The following CADM2 variants were observed in gnomAD, a reference collection of about 807,000 sequenced individuals.
The protein encoded by CADM2 is cell adhesion molecule 2.
CADM2 carries 12 observed loss-of-function variants against 49.8 expected under a neutral mutation model. The observed-to-expected ratio is 0.24, with a 90% CI of 0.15 to 0.39. CADM2 has a LOEUF of 0.39. Ranked by LOEUF, CADM2 falls within the 10% of genes least tolerant of loss-of-function variation. The pLI is 1.00. For missense variants in CADM2, 378 were observed against 492.3 expected (o/e 0.77, Z 2.20); for synonymous variants, 214 against 175.4 (o/e 1.22, Z -1.74).
rs555078168 is a variant in CADM2 at position 85,709,216 on chromosome 3, G to C, written c.62-17306G>C. ...CAATGCTTCCAAAACCAAGAATTAA[G>C]TTAATGAGTTAAATCAATGTATTAA... On this transcript the variant is annotated intron_variant, in intron 1 of 9. Coordinates refer to ENST00000383699, the MANE Select transcript of CADM2 (RefSeq NM_001167675.2). Among the ~76,000 whole-genome samples the C allele has an allele frequency of 4.0e-4, 61 of 152,050 alleles. 1 individual carries two copies. Among genetic ancestry groups the C allele is most frequent in the Non-Finnish European group, 7.6e-4 (52 of 67,974 alleles).
chr3:85,490,309 T>G (rs993812538), intron 1 of CADM2, among the ~76,000 whole-genome samples: 1 of 152,292 alleles, frequency 6.6e-6, no homozygotes, highest in South Asian at 2.1e-4. Context: ...CAAATTTCTA[T>G]TTCCCCTGTG....
intron 3 of CADM2, among the ~76,000 whole-genome samples, chr3:85,834,929 T>A (rs138934911): frequency 6.6e-6 from 1 of 151,748 alleles, no homozygotes; most frequent in African/African-American, 2.4e-5. Flanking sequence ...TCTAACTAGA[T>A]TAGCCAAGAA....
At chr3:85,777,244 A>AATTATTATTATT (rs71112117) in intron 2 of CADM2, among the ~76,000 whole-genome samples, 160 of 148,752 alleles carry the variant, frequency 1.1e-3, no homozygotes, top group Admixed American at 1.8e-3. Context: ...GTTTTTAAAA[A>AATTATTATTATT]ATTATTATTA....
chr3:85,351,193 T>C (rs1002049380), intron 1 of CADM2, among the ~76,000 whole-genome samples: 3 of 152,140 alleles, frequency 2.0e-5, no homozygotes, highest in Admixed American at 6.6e-5. Flanking sequence ...AAATTTGGCA[T>C]GATTGAACTG....
chr3:84,993,317 T>A lies in CADM2; in HGVS notation c.61+33649T>A. On this transcript the variant is annotated intron_variant, in intron 1 of 9. Transcript: ENST00000383699. ...AAGGGATTTAGCGTATTAACTGGAA[T>A]ATTTTGATGCCCATTGCTAGTGAAA... Among the ~76,000 whole-genome samples, 2 of 152,128 alleles carry A rather than the reference T, an allele frequency of 1.3e-5. 1 individual carries two copies. The highest frequency in any genetic ancestry group is 1.3e-4 in the Admixed American group (2 of 15,272).
chr3:85,304,706 T>C (rs549264532), intron 1 of CADM2, among the ~76,000 whole-genome samples: 1 of 151,936 alleles, frequency 6.6e-6, no homozygotes, highest in African/African-American at 2.4e-5. Flanking sequence ...TGCATAGGCA[T>C]ACCAATAGTT....
At chr3:86,036,993 C>A (rs1240661628) in intron 8 of CADM2, among the ~76,000 whole-genome samples, 1 of 152,010 alleles carries the variant, frequency 6.6e-6, no homozygotes, top group African/African-American at 2.4e-5. Flanking sequence ...ATTTCATATT[C>A]TATTTCTATT....
At chr3:85,799,336 C>T (rs2108063549) in intron 2 of CADM2, among the ~76,000 whole-genome samples, 1 of 152,262 alleles carries the variant, frequency 6.6e-6, no homozygotes. Context: ...AGAGGGCATC[C>T]TTGTCTTGTG....
At chr3:85,245,104 A>G (rs2042616094) in intron 1 of CADM2, among the ~76,000 whole-genome samples, 1 of 152,184 alleles carries the variant, frequency 6.6e-6, no homozygotes, top group Non-Finnish European at 1.5e-5. Context: ...TCCAGGCAAC[A>G]AAAACAGAAT....
chr3:85,348,362 C>T (rs1576393654), intron 1 of CADM2, among the ~76,000 whole-genome samples: 3 of 152,264 alleles, frequency 2.0e-5, no homozygotes, highest in Admixed American at 6.5e-5. Flanking sequence ...TTAATCTTAT[C>T]CCAAAACGCT....
intron 1 of CADM2, among the ~76,000 whole-genome samples, chr3:85,526,596 T>G (rs1289260743): frequency 1.3e-5 from 2 of 152,204 alleles, no homozygotes; most frequent in Non-Finnish European, 2.9e-5. Context: ...ACAGCCCATT[T>G]GAAACTCATT....
intron 1 of CADM2, among the ~76,000 whole-genome samples, chr3:85,568,403 C>T (rs2062338914): frequency 3.7e-5 from 1 of 26,902 alleles, no homozygotes; most frequent in African/African-American, 1.1e-4. Flanking sequence ...CTCCCTCTTT[C>T]TTTCTTTCTT....
intron 1 of CADM2, among the ~76,000 whole-genome samples, chr3:85,237,476 A>G (rs1412150016): frequency 6.6e-6 from 1 of 151,714 alleles, no homozygotes; most frequent in Non-Finnish European, 1.5e-5. Flanking sequence ...TTCTATATAT[A>G]ATGAAAAATA....
intron 1 of CADM2, among the ~76,000 whole-genome samples, chr3:85,480,412 G>T (rs2039161104): frequency 6.6e-6 from 1 of 151,838 alleles, no homozygotes; most frequent in Admixed American, 6.6e-5. Context: ...TTTCAAATTT[G>T]TGACTGTGGG....
intron 2 of CADM2, among the ~76,000 whole-genome samples, chr3:85,777,169 TA>T (rs1031574579): frequency 1.3e-5 from 2 of 151,946 alleles, no homozygotes; most frequent in Non-Finnish European, 2.9e-5. Flanking sequence ...TTTTCATAAA[TA>T]AATTTTTTAT....
chr3:85,562,149 G>T (rs927377098), intron 1 of CADM2, among the ~76,000 whole-genome samples: 2 of 151,970 alleles, frequency 1.3e-5, no homozygotes, highest in African/African-American at 2.4e-5. Flanking sequence ...GAGGGAGCAT[G>T]GAATCAAAAA....
chr3:85,957,587 G>T (rs572338918), intron 7 of CADM2, among the ~76,000 whole-genome samples: 4 of 151,672 alleles, frequency 2.6e-5, no homozygotes, highest in South Asian at 2.1e-4. Context: ...ACACCAACTG[G>T]GTGTCATGTA....
Position 85,886,246 on chromosome 3 carries a change from T to C in CADM2, c.448T>C (p.Leu150=). 1 of 1,613,958 alleles carries C rather than the reference T, an allele frequency of 6.2e-7. No homozygotes were observed. Among genetic ancestry groups the C allele is most frequent in the Middle Eastern group, 1.7e-4 (1 of 6,058 alleles). The change falls in exon 5 of 10, where the codon TTG becomes CTG. Residue 150 remains leucine, a synonymous_variant. Transcript: ENST00000383699. ...CTCATCACCAGTTATGGAGGGTGACTTGATGCAGCTGACTTGCAAAACATC... is the reference window on the plus strand; with the variant it reads ...CTCATCACCAGTTATGGAGGGTGACCTGATGCAGCTGACTTGCAAAACATC... ...GFSSPVMEGD[L]MQLTCKTSGS...
chr3:85,697,058 AC>A (rs1419662097), intron 1 of CADM2, among the ~76,000 whole-genome samples: 1 of 93,558 alleles, frequency 1.1e-5, no homozygotes, highest in Non-Finnish European at 2.2e-5. Context: ...GCACTACCCT[AC>A]TGTCTTAATT....
Sources: gnomAD v4.1 joint callset for allele counts (sites outside exome capture counted in the v4.1 genomes callset) on GRCh38, gnomAD v4.1.1 for gene constraint, MANE v1.5 for transcripts, NCBI Gene and HGNC (gene_info 2026-07-23, HGNC 2026-07-21) for gene names.